The following SHANK2 variants were observed in gnomAD, a reference collection of about 807,000 sequenced individuals.
SHANK2 encodes SH3 and multiple ankyrin repeat domains protein 2.
In SHANK2, 43 loss-of-function variants were observed where a neutral mutation model predicts 133.7. That is an observed-to-expected ratio of 0.32 (90% CI 0.25 to 0.41). The LOEUF (loss-of-function observed/expected upper bound fraction) is 0.41, where lower values mean the gene tolerates loss of function less well. Ranked by LOEUF, SHANK2 falls within the 10% of genes least tolerant of loss-of-function variation. The pLI is 1.00. For synonymous variants in SHANK2, 1,017 were observed against 952.8 expected (o/e 1.07, Z -1.24); for missense variants, 1,994 against 2,235.8 (o/e 0.89, Z 2.18).
chr11:70,553,668 G>A (rs192601052), intron 17 of SHANK2, among the ~76,000 whole-genome samples: 2 of 152,322 alleles, frequency 1.3e-5, no homozygotes, highest in East Asian at 1.9e-4. Context: ...AGGGCCATGC[G>A]ATCATCAGCA....
At chr11:71,105,077 C>T (rs782127673) in intron 6 of SHANK2, among the ~76,000 whole-genome samples, 1 of 152,154 alleles carries the variant, frequency 6.6e-6, no homozygotes. Flanking sequence ...GGAAGCAGCC[C>T]AGATGTCCTT....
chr11:71,065,461 G>GGC (rs1951039408), intron 9 of SHANK2, among the ~76,000 whole-genome samples: 1 of 132,668 alleles, frequency 7.5e-6, no homozygotes, highest in Non-Finnish European at 1.6e-5. Context: ...GGAAGTTGGG[G>GGC]GGTGTGTGCA....
intron 2 of SHANK2, among the ~76,000 whole-genome samples, chr11:71,211,048 G>T (rs1434446856): frequency 1.3e-5 from 2 of 152,090 alleles, no homozygotes; most frequent in Non-Finnish European, 2.9e-5. Context: ...GGGTCCCCCA[G>T]GGCTGCTGCA....
chr11:70,548,465 T>G (rs1554976880), intron 17 of SHANK2, among the ~76,000 whole-genome samples: 1 of 152,160 alleles, frequency 6.6e-6, no homozygotes, highest in East Asian at 1.9e-4. Flanking sequence ...CCCGCTGGGC[T>G]CCGTTCTCAG....
chr11:71,094,339 C>A (rs1478945085), intron 7 of SHANK2, among the ~76,000 whole-genome samples, 198 bp downstream of exon 7: 2 of 152,126 alleles, frequency 1.3e-5, no homozygotes, highest in Non-Finnish European at 2.9e-5. Flanking sequence ...AAAGCATCGA[C>A]AACCAGGAGA....
intron 2 of SHANK2, among the ~76,000 whole-genome samples, chr11:71,149,393 C>T (rs540076418): frequency 1.3e-5 from 2 of 152,266 alleles, no homozygotes; most frequent in African/African-American, 4.8e-5. Flanking sequence ...AAAGATTGGC[C>T]GCCCCATAAT....
At chr11:70,688,946 G>T (rs1194470352) in intron 15 of SHANK2, among the ~76,000 whole-genome samples, 1 of 152,228 alleles carries the variant, frequency 6.6e-6, no homozygotes, top group Non-Finnish European at 1.5e-5. Context: ...AGGTATGCAT[G>T]AGAACCTATG....
intron 17 of SHANK2, among the ~76,000 whole-genome samples, chr11:70,653,432 C>T (rs551449140): frequency 5.3e-5 from 8 of 151,800 alleles, no homozygotes; most frequent in Non-Finnish European, 1.0e-4. Flanking sequence ...TTTTAAAATA[C>T]CAGCCCAAGA....
At chr11:70,771,215 C>T (rs1463519076) in intron 14 of SHANK2, among the ~76,000 whole-genome samples, 8 of 152,236 alleles carry the variant, frequency 5.3e-5, no homozygotes, top group African/African-American at 1.4e-4. Context: ...GCATGACCCA[C>T]GGCCTTCGGC....
At chr11:70,767,354 C>A (rs1947143739) in intron 14 of SHANK2, among the ~76,000 whole-genome samples, 1 of 152,160 alleles carries the variant, frequency 6.6e-6, no homozygotes, top group African/African-American at 2.4e-5. Context: ...CAGGTAGGCA[C>A]ACCCAAAAGA....
intron 1 of SHANK2, among the ~76,000 whole-genome samples, chr11:71,234,183 T>TAA (rs71049965): frequency 0.33 from 11,830 of 35,438 alleles, 2,999 homozygotes; most frequent in East Asian, 0.78. Context: ...CCCTCTCTAC[T>TAA]AAAAAAAAAA....
chr11:70,690,999 T>A (rs1945277510), intron 15 of SHANK2, among the ~76,000 whole-genome samples: 1 of 152,172 alleles, frequency 6.6e-6, no homozygotes, highest in Non-Finnish European at 1.5e-5. Flanking sequence ...AGTGGGGCTG[T>A]GTGGATGAGG....
chr11:70,895,611 A>G (rs1402110827), intron 11 of SHANK2: 1 of 152,592 alleles, frequency 6.6e-6, no homozygotes, highest in East Asian at 1.9e-4. Flanking sequence ...GAGGAAGTGA[A>G]GCAGAGGCAA....
intron 14 of SHANK2, among the ~76,000 whole-genome samples, chr11:70,701,178 G>C (rs1255021425): frequency 2.0e-5 from 3 of 152,040 alleles, no homozygotes; most frequent in African/African-American, 7.3e-5. Context: ...GTGTGTGTGT[G>C]TGTGTATTTA....
At chr11:71,105,548 C>T (rs942053982) in intron 6 of SHANK2, among the ~76,000 whole-genome samples, 6 of 143,166 alleles carry the variant, frequency 4.2e-5, no homozygotes, top group East Asian at 2.1e-4. Flanking sequence ...GCCAAGATCA[C>T]GCCACTGCAC....
chr11:70,951,895 C>CTG (rs1296293736), intron 10 of SHANK2, among the ~76,000 whole-genome samples: 3 of 152,228 alleles, frequency 2.0e-5, no homozygotes, highest in Non-Finnish European at 4.4e-5. Flanking sequence ...CCTTGTGTGT[C>CTG]TGTCTCTTTT....
At position 71,094,395 on chromosome 11, in the gene SHANK2, CG is replaced by C. The variant is rs1285938729; in HGVS notation, c.744+141del. The C allele has an allele frequency of 3.1e-5, 23 of 739,530 alleles. No homozygotes were observed. In the Middle Eastern group the frequency reaches 1.6e-3, roughly 51 times the overall value. The allele number at this position is 739,530 out of a possible 1,614,324, so 45.8% of individuals were successfully genotyped here. A position where few individuals can be genotyped will look rare whatever the true frequency, so the allele number is the denominator to read the frequency against. ...CCTGGCTTCACTTCCAAGCTCCAGCCGGAACACTGTGCACGGACTCCTAGGG... is the reference window on the plus strand; with the variant it reads ...CCTGGCTTCACTTCCAAGCTCCAGCCGAACACTGTGCACGGACTCCTAGGG... On this transcript the variant is annotated intron_variant, in intron 7 of 25. Transcript: ENST00000601538.
chr11:70,680,984 G>A (rs547876453), intron 15 of SHANK2, among the ~76,000 whole-genome samples: 4 of 152,236 alleles, frequency 2.6e-5, no homozygotes, highest in Middle Eastern at 3.4e-3. Context: ...AACCATCCCC[G>A]TCAATGCTCA....
chr11:71,132,527 T>C (rs1319932859), intron 3 of SHANK2, among the ~76,000 whole-genome samples: 9 of 152,186 alleles, frequency 5.9e-5, no homozygotes, highest in African/African-American at 2.2e-4. Context: ...GCATTAACTC[T>C]AAGCCAACGA....
Sources: gnomAD v4.1 joint callset for allele counts (sites outside exome capture counted in the v4.1 genomes callset) on GRCh38, gnomAD v4.1.1 for gene constraint, MANE v1.5 for transcripts, NCBI Gene and HGNC (gene_info 2026-07-23, HGNC 2026-07-21) for gene names.